ADH1B: variants seen among roughly 807,000 people sequenced by gnomAD.
ADH1B encodes the protein alcohol dehydrogenase 1B (class I), beta polypeptide.
A neutral mutation model predicts 34.6 loss-of-function variants in ADH1B; 29 were observed. That is an observed-to-expected ratio of 0.84 (90% CI 0.62 to 1.14). The LOEUF (loss-of-function observed/expected upper bound fraction) is 1.14. ADH1B is among the 50% of genes most tolerant of loss of function. The pLI, the probability that ADH1B is intolerant of heterozygous loss-of-function variation, is 0.00. For missense variants in ADH1B, 424 were observed against 468.4 expected, an observed-to-expected ratio of 0.91 and a Z score of 0.87; for synonymous variants, 170 against 175.5, an observed-to-expected ratio of 0.97 and a Z score of 0.25.
At chr4:99,320,782 T>G in intron 1 of ADH1B, 1 of 1,131,600 alleles carries the variant, frequency 8.8e-7, no homozygotes, top group Non-Finnish European at 1.1e-6. Flanking sequence ...CATGTTGATG[T>G]CTTGCTTAAC....
intron 6 of ADH1B, among the ~76,000 whole-genome samples, chr4:99,312,026 T>C (rs977004874): frequency 3.9e-5 from 6 of 152,244 alleles, no homozygotes; most frequent in African/African-American, 1.4e-4. Context: ...CCTATTCTAC[T>C]GTCCATTTCT....
Position 99,314,032 on chromosome 4 carries a change from A to C in ADH1B, c.617T>G (p.Leu206Arg). The change falls in exon 6 of 9, where the codon CTA (leucine) becomes CGA (arginine). Residue 206 changes from leucine (L) to arginine (R), a missense_variant. Coordinates refer to ENST00000305046, the MANE Select transcript of ADH1B (RefSeq NM_000668.6). Reference protein sequence around the residue: ...CAVFGLGGVGLSAVMGCKAAG... With the variant: ...CAVFGLGGVGRSAVMGCKAAG... ...TGCTTTACAGCCCATAACAGCAGAT[A>C]GGCCGACCCCTCCCAGGCCAAACAC... 6.2e-7 allele frequency: 1 copy of C among 1,614,234 alleles called. No homozygotes were observed.
intron 3 of ADH1B, chr4:99,317,194 CAT>C (rs1278099256): frequency 1.3e-5 from 2 of 152,090 alleles, no homozygotes; most frequent in Admixed American, 6.5e-5. Flanking sequence ...TAAAATTAAA[CAT>C]AATTTTTATT....
At chr4:99,320,121 T>G (rs1377727511) in intron 1 of ADH1B, 5 of 152,190 alleles carry the variant, frequency 3.3e-5, no homozygotes, top group African/African-American at 4.8e-5. Context: ...TTAGTGGTGA[T>G]TTCTGATATT....
chr4:99,317,727 A>C (rs1227506950), intron 3 of ADH1B: 1 of 297,996 alleles, frequency 3.4e-6, no homozygotes, highest in Admixed American at 5.0e-5. Flanking sequence ...CAACACTAAC[A>C]CAGAATTACT....
At chr4:99,320,077 G>A (rs1037488798) in intron 1 of ADH1B, 18 of 152,148 alleles carry the variant, frequency 1.2e-4, no homozygotes, top group Non-Finnish European at 2.2e-4. Flanking sequence ...AGTTTTTGGG[G>A]TGCAGATGGT....
rs779283798 is a variant in ADH1B at position 99,321,298 on chromosome 4, T to C, written c.18+16A>G. 2 of 1,604,222 alleles carry C rather than the reference T, an allele frequency of 1.2e-6. No individual in the cohort carries two copies. Among genetic ancestry groups the C allele is most frequent in the Non-Finnish European group, 1.7e-6 (2 of 1,171,882 alleles). ...GATGAGAATATATTACCAACAGTAA[T>C]ATATTTTTTGCTTACTTTTCCTGCT... On this transcript the variant is annotated intron_variant, in intron 1 of 8. Transcript: ENST00000305046.
chr4:99,315,756 A>C, intron 5 of ADH1B, 142 bp downstream of exon 5: 29 of 818,986 alleles, frequency 3.5e-5, no homozygotes, highest in Middle Eastern at 2.3e-4. Flanking sequence ...ATGTGTACTC[A>C]ATTCTTTCTG....
chr4:99,317,942 A>G, intron 3 of ADH1B, 104 bp downstream of exon 3: 1 of 1,543,920 alleles, frequency 6.5e-7, no homozygotes, highest in Non-Finnish European at 8.7e-7. Flanking sequence ...CTGCGCGGTG[A>G]CCTTGTGCAA....
chr4:99,318,006 A>G lies in ADH1B; in HGVS notation c.259+40T>C, dbSNP rs990261242. Reference sequence around the variant, plus strand: ...CCTTATCCAGGCTGGGAAATCCTGGATGGTGAACCACACGTGTTCCCTGAG... The same window carrying G: ...CCTTATCCAGGCTGGGAAATCCTGGGTGGTGAACCACACGTGTTCCCTGAG... On this transcript the variant is annotated intron_variant, in intron 3 of 8. Coordinates refer to ENST00000305046, the MANE Select transcript of ADH1B (RefSeq NM_000668.6). The G allele has an allele frequency of 6.2e-6, 10 of 1,608,276 alleles. No homozygotes were observed. The African/African-American group carries it at 1.3e-4, about 22-fold the overall frequency.
At chr4:99,308,859 A>T (rs892623784) in intron 8 of ADH1B, among the ~76,000 whole-genome samples, 1 of 152,074 alleles carries the variant, frequency 6.6e-6, no homozygotes, top group African/African-American at 2.4e-5. Context: ...TGCATGTTTT[A>T]CTGTTTTTGA....
chr4:99,310,195 T>C, intron 8 of ADH1B: 1 of 217,030 alleles, frequency 4.6e-6, no homozygotes, highest in Non-Finnish European at 9.3e-6. Flanking sequence ...GACAAACATT[T>C]AAAATAGTAT....
intron 8 of ADH1B, among the ~76,000 whole-genome samples, chr4:99,308,173 A>G (rs1733659726): frequency 6.6e-6 from 1 of 152,070 alleles, no homozygotes; most frequent in Admixed American, 6.6e-5. Flanking sequence ...TCCTGGTATA[A>G]TAAGGAATAT....
chr4:99,311,774 TG>T (rs773421308), intron 6 of ADH1B, 118 bp from the exon 7 acceptor site: 9 of 1,432,896 alleles, frequency 6.3e-6, no homozygotes, highest in Non-Finnish European at 8.5e-6. Context: ...GAAGAGATCA[TG>T]TCTTTTGATC....
chr4:99,321,262 TTTG>T (rs1734019361), intron 1 of ADH1B, 49 bp downstream of exon 1: 15 of 1,472,002 alleles, frequency 1.0e-5, no homozygotes, highest in Non-Finnish European at 1.4e-5. Context: ...TATTCCTTTC[TTTG>T]TTATATTGAT....
At position 99,315,977 on chromosome 4, in the gene ADH1B, G is replaced by A; in HGVS notation, c.488C>T (p.Ala163Val). 2.5e-6 allele frequency: 4 copies of A among 1,614,216 alleles called. No individual in the cohort carries two copies. The highest frequency in any genetic ancestry group is 3.4e-6 in the Non-Finnish European group (4 of 1,180,030). ...GCAGACTTTCTCCAGGGGCGAGGCT[G>A]CATCAATTTTGGCCACTGCATTCTC... is the stretch of plus-strand genomic sequence containing the variant. ...VDENAVAKID[A>V]ASPLEKVCLI... The change falls in exon 5 of 9, where the codon GCA (alanine) becomes GTA (valine). Residue 163 changes from alanine to valine, a missense_variant. By Grantham distance (64) the Ala-to-Val change is moderately conservative (BLOSUM62 0). Transcript: ENST00000305046.
chr4:99,318,977 G>A (rs574604027), intron 1 of ADH1B, 91 bp from the exon 2 acceptor site: 63 of 1,351,932 alleles, frequency 4.7e-5, no homozygotes, highest in Middle Eastern at 1.8e-4. Flanking sequence ...GTAATATTGC[G>A]TCCCATGTCT....
chr4:99,313,817 A>G lies in ADH1B; in HGVS notation c.828+4T>C, dbSNP rs745641952. The G allele has an allele frequency of 3.1e-6, 5 of 1,614,060 alleles. No homozygotes were observed. The South Asian group carries it at 3.3e-5, about 11-fold the overall frequency. The stretch of plus-strand genomic sequence containing the variant: ...GAAATCTCAGGGCATGTCATGGTAC[A>G]TACCATGGTGTCAAGCCGACCGATG... On this transcript the variant is annotated splice_donor_region_variant and intron_variant, in intron 6 of 8. Transcript: ENST00000305046.
Position 99,307,197 on chromosome 4 carries a change from A to C in ADH1B, c.*643T>G, listed in dbSNP as rs879931645. ...GCTATTATTTTAAAAAATCAATTGT[A>C]TATCGACCATAAAGAAATAGTATAA... is the stretch of plus-strand genomic sequence containing the variant. On this transcript the variant is annotated 3_prime_UTR_variant, in exon 9 of 9. Transcript: ENST00000305046. 1 of 152,264 alleles carries C rather than the reference A, an allele frequency of 6.6e-6. No individual in the cohort carries two copies. The highest frequency in any genetic ancestry group is 6.5e-5 in the Admixed American group (1 of 15,282). The allele number at this position is 152,264 out of a possible 1,614,324, so 9.4% of individuals were successfully genotyped here. A position where few individuals can be genotyped will look rare whatever the true frequency, so the allele number is the denominator to read the frequency against.
Sources: allele counts gnomAD v4.1 joint callset (sites outside exome capture counted in the v4.1 genomes callset), GRCh38; gene constraint gnomAD v4.1.1; transcripts MANE v1.5; gene names NCBI Gene and HGNC (gene_info 2026-07-23, HGNC 2026-07-21).